The following ATRNL1 variants were observed in gnomAD, a reference collection of about 807,000 sequenced individuals.
ATRNL1 encodes attractin like 1, also known as attractin-like protein 1.
Under a neutral mutation model 182.7 loss-of-function variants are expected in ATRNL1, and 95 were observed. The ratio of observed to expected loss-of-function variants is 0.52; its 90% CI spans 0.44 to 0.62. The LOEUF is 0.62. ATRNL1 is among the 20% of genes least tolerant of loss of function. ATRNL1 has a pLI of 0.00. For synonymous variants in ATRNL1, 576 were observed against 568.3 expected (o/e 1.01, Z -0.19); for missense variants, 1,471 against 1,679.5 (o/e 0.88, Z 2.17).
At chr10:115,273,189 T>G (rs1205876023) in intron 13 of ATRNL1, among the ~76,000 whole-genome samples, 1 of 152,100 alleles carries the variant, frequency 6.6e-6, no homozygotes, top group Non-Finnish European at 1.5e-5. Flanking sequence ...GGAAGTCCAT[T>G]TTGCTGAGCC....
chr10:115,506,773 TA>T (rs1355138267), intron 24 of ATRNL1, among the ~76,000 whole-genome samples: 1 of 152,044 alleles, frequency 6.6e-6, no homozygotes, highest in Admixed American at 6.6e-5. Flanking sequence ...ATTGGAGCCA[TA>T]ATGTTTGCTT....
At chr10:115,459,245 GA>G (rs1179952008) in intron 21 of ATRNL1, among the ~76,000 whole-genome samples, 1 of 152,048 alleles carries the variant, frequency 6.6e-6, no homozygotes, top group Non-Finnish European at 1.5e-5. Context: ...TGGGCACCCT[GA>G]AAAAAGAACA....
chr10:115,579,236 G>A (rs1228470032), intron 26 of ATRNL1, among the ~76,000 whole-genome samples: 1 of 151,660 alleles, frequency 6.6e-6, no homozygotes, highest in Non-Finnish European at 1.5e-5. Flanking sequence ...TAAATTTAAT[G>A]TTCCTTTATT....
Position 115,798,814 on chromosome 10 carries a change from C to CT in ATRNL1, c.3904-49055dup, listed in dbSNP as rs1168777540. On this transcript the variant is annotated intron_variant, in intron 27 of 28. Coordinates refer to ENST00000355044, the MANE Select transcript of ATRNL1 (RefSeq NM_207303.4). ...CAAGTAATGAGGTTGCTTTTTTTTT[C>CT]TTTTTTTTCTTTTTTCTTTTTTTTT... Among the ~76,000 whole-genome samples, 6 of 139,840 alleles carry CT rather than the reference C, an allele frequency of 4.3e-5. No individual in the cohort carries two copies. The South Asian group carries it at 6.8e-4, about 16-fold the overall frequency. The allele number at this position is 139,840 out of a possible 152,430, so 91.7% of individuals were successfully genotyped here.
rs1381731854 is a variant in ATRNL1, at chr10:115,334,946, T to TC, written c.3175+530dup. Among the ~76,000 whole-genome samples, 8 of 152,210 alleles carry TC rather than the reference T, an allele frequency of 5.3e-5. No homozygotes were observed. The East Asian group carries it at 1.5e-3, about 29-fold the overall frequency. On this transcript the variant is annotated intron_variant, in intron 19 of 28. Transcript: ENST00000355044. ...CATTAACCTCTCAGTGTCTTATTTT[T>TC]CCCATATGTAAAATGGAGATGATAA... is the stretch of plus-strand genomic sequence containing the variant.
intron 26 of ATRNL1, among the ~76,000 whole-genome samples, chr10:115,677,936 T>C (rs1285732012): frequency 6.6e-6 from 1 of 151,990 alleles, no homozygotes; most frequent in Non-Finnish European, 1.5e-5. Flanking sequence ...TTTCATGGGG[T>C]ATGCAAAGTA....
At position 115,477,404 on chromosome 10, in the gene ATRNL1, T is replaced by G. The variant is rs1206426001; in HGVS notation, c.3654+8075T>G. On this transcript the variant is annotated intron_variant, in intron 24 of 28. Coordinates refer to ENST00000355044, the MANE Select transcript of ATRNL1 (RefSeq NM_207303.4). Reference sequence around the variant, plus strand: ...ATGTGCATTAGTTGACATTCTTAACTGGGCATGCCTGCTATACTGAATGAA... The same window carrying G: ...ATGTGCATTAGTTGACATTCTTAACGGGGCATGCCTGCTATACTGAATGAA... Among the ~76,000 whole-genome samples the G allele has an allele frequency of 2.6e-5, 4 of 151,628 alleles. No homozygotes were observed. The Admixed American group carries it at 2.6e-4, about 10-fold the overall frequency.
chr10:115,652,079 A>G (rs968963834), intron 26 of ATRNL1, among the ~76,000 whole-genome samples: 18 of 152,254 alleles, frequency 1.2e-4, no homozygotes, highest in African/African-American at 4.1e-4. Context: ...TAGTAAATTT[A>G]TGCTGCAAAG....
At chr10:115,717,548 C>CTTTATTTTT (rs1947291511) in intron 26 of ATRNL1, among the ~76,000 whole-genome samples, 1 of 84,350 alleles carries the variant, frequency 1.2e-5, no homozygotes, top group African/African-American at 4.3e-5. Context: ...CTGAAATGTT[C>CTTTATTTTT]TTTTTTTTTT....
At chr10:115,359,829 G>A (rs1023564995) in intron 19 of ATRNL1, among the ~76,000 whole-genome samples, 4 of 151,268 alleles carry the variant, frequency 2.6e-5, no homozygotes, top group Non-Finnish European at 4.4e-5. Context: ...TAATTCTGGA[G>A]TCATTTTAGC....
At chr10:115,694,451 T>A (rs1946489734) in intron 26 of ATRNL1, among the ~76,000 whole-genome samples, 1 of 152,116 alleles carries the variant, frequency 6.6e-6, no homozygotes, top group Non-Finnish European at 1.5e-5. Flanking sequence ...GACAAATATC[T>A]TGATTAAAGT....
At chr10:115,369,264 G>A (rs1465731440) in intron 19 of ATRNL1, among the ~76,000 whole-genome samples, 1 of 150,900 alleles carries the variant, frequency 6.6e-6, no homozygotes, top group Admixed American at 6.6e-5. Flanking sequence ...GGTTGTGTGA[G>A]GGGGATGGGG....
chr10:115,533,712 ATC>A (rs2133756832), intron 25 of ATRNL1, among the ~76,000 whole-genome samples: 1 of 147,946 alleles, frequency 6.8e-6, no homozygotes, highest in East Asian at 2.0e-4. Flanking sequence ...TCAATTTTGG[ATC>A]TTTCCTGCTT....
chr10:115,787,730 A>G (rs1555080700), intron 27 of ATRNL1, among the ~76,000 whole-genome samples: 1 of 152,150 alleles, frequency 6.6e-6, no homozygotes, highest in Non-Finnish European at 1.5e-5. Context: ...ATCATGTCCT[A>G]ATCTCTGGGA....
At chr10:115,588,928 G>T (rs2769415) in intron 26 of ATRNL1, among the ~76,000 whole-genome samples, 1 of 151,576 alleles carries the variant, frequency 6.6e-6, no homozygotes, top group Admixed American at 6.6e-5. Context: ...TTTCCTTGCA[G>T]TTTTTGCATT....
chr10:115,684,078 A>G (rs944856247), intron 26 of ATRNL1, among the ~76,000 whole-genome samples: 1 of 151,860 alleles, frequency 6.6e-6, no homozygotes, highest in South Asian at 2.1e-4. Context: ...CCATATACAG[A>G]AATTATTGTT....
At chr10:115,655,766 C>T (rs1187005115) in intron 26 of ATRNL1, among the ~76,000 whole-genome samples, 2 of 152,036 alleles carry the variant, frequency 1.3e-5, no homozygotes, top group African/African-American at 2.4e-5. Context: ...TTTATCCTAC[C>T]AATGATCATG....
rs374740005 is a variant in ATRNL1, at chr10:115,202,464, G to A, written c.1349-13233G>A. Among the ~76,000 whole-genome samples, 65 of 152,196 alleles carry A rather than the reference G, an allele frequency of 4.3e-4. No individual in the cohort carries two copies. In the East Asian group the frequency reaches 0.012, roughly 27 times the overall value. ...GAAGGGCTGTTGAATTTTGTCAAAG[G>A]CCTTTTCTGCATCTATTGAGATAAT... On this transcript the variant is annotated intron_variant, in intron 8 of 28. Coordinates refer to ENST00000355044, the MANE Select transcript of ATRNL1 (RefSeq NM_207303.4).
Position 115,287,924 on chromosome 10 carries a change from GTTTTT to G in ATRNL1, c.2415+1546_2415+1550del, listed in dbSNP as rs11298663. ...ACATTTTACTTCTATAAGATCAACT[GTTTTT>G]TTTTTTTTTTTTTTTTTTAGCTTCC... On this transcript the variant is annotated intron_variant, in intron 15 of 28. Transcript: ENST00000355044. 1.6e-4 allele frequency among the ~76,000 whole-genome samples: 15 copies of G among 91,018 alleles called. No individual in the cohort carries two copies. The East Asian group carries it at 3.1e-3, about 19-fold the overall frequency. The allele number at this position is 91,018 out of a possible 152,430, so 59.7% of individuals were successfully genotyped here.
Sources: gnomAD v4.1 joint callset for allele counts (sites outside exome capture counted in the v4.1 genomes callset) on GRCh38, gnomAD v4.1.1 for gene constraint, MANE v1.5 for transcripts, NCBI Gene and HGNC (gene_info 2026-07-23, HGNC 2026-07-21) for gene names.